The following CBLB variants were observed in gnomAD, a reference collection of about 807,000 sequenced individuals.
CBLB encodes the protein E3 ubiquitin-protein ligase CBL-B.
A neutral mutation model predicts 104.9 loss-of-function variants in CBLB; 31 were observed. The observed-to-expected ratio is 0.30, with a 90% confidence interval of 0.22 to 0.40. CBLB has a LOEUF of 0.40. Ranked by LOEUF, CBLB falls within the 10% of genes least tolerant of loss-of-function variation. CBLB has a pLI of 1.00. For missense variants in CBLB, 1,062 were observed against 1,214.6 expected (o/e 0.87, Z 1.87); for synonymous variants, 440 against 422.6 (o/e 1.04, Z -0.51).
At chr3:105,769,116 C>T (rs2078563780) in intron 4 of CBLB, among the ~76,000 whole-genome samples, 1 of 152,018 alleles carries the variant, frequency 6.6e-6, no homozygotes, top group African/African-American at 2.4e-5. Flanking sequence ...GAGTTTGAGA[C>T]CAGCCTGGCC....
In CBLB at chr3:105,670,362, A is replaced by C; in HGVS notation, c.2570-10T>G. 6.2e-7 allele frequency: 1 copy of C among 1,608,230 alleles called. No homozygotes were observed. Among genetic ancestry groups the C allele is most frequent in the Non-Finnish European group, 8.5e-7 (1 of 1,175,396 alleles). On this transcript the variant is annotated splice_polypyrimidine_tract_variant and intron_variant, in intron 17 of 18. Transcript: ENST00000394030. ...AGATCAACAAAGGGATCTTAAAAAT[A>C]AAAACAAGTTTCAAATTAAAAGGAT...
chr3:105,865,316 T>G (rs187526066), intron 2 of CBLB, among the ~76,000 whole-genome samples: 174 of 152,292 alleles, frequency 1.1e-3, no homozygotes, highest in African/African-American at 4.0e-3. Context: ...TCATAATAAT[T>G]TATGCAATTT....
intron 13 of CBLB, among the ~76,000 whole-genome samples, chr3:105,686,826 AC>A (rs1423269816): frequency 6.6e-6 from 1 of 152,134 alleles, no homozygotes; most frequent in Non-Finnish European, 1.5e-5. Flanking sequence ...TTACAGGGAG[AC>A]AAAAGCACAG....
At chr3:105,753,044 G>T (rs1289582388) in intron 4 of CBLB, among the ~76,000 whole-genome samples, 2 of 152,148 alleles carry the variant, frequency 1.3e-5, no homozygotes. Context: ...TAATGCTAAA[G>T]AATCTAGAGT....
chr3:105,858,750 T>C (rs551471053), intron 2 of CBLB, among the ~76,000 whole-genome samples: 1 of 152,276 alleles, frequency 6.6e-6, no homozygotes, highest in South Asian at 2.1e-4. Flanking sequence ...AATATTGAAA[T>C]ACAGAACTAG....
intron 6 of CBLB, among the ~76,000 whole-genome samples, chr3:105,744,837 G>A (rs994274152): frequency 1.3e-5 from 2 of 152,170 alleles, no homozygotes; most frequent in African/African-American, 4.8e-5. Flanking sequence ...GGTTAAGGCA[G>A]GAGAATTGCT....
At chr3:105,743,603 C>A (rs2075825034) in intron 6 of CBLB, among the ~76,000 whole-genome samples, 1 of 151,834 alleles carries the variant, frequency 6.6e-6, no homozygotes. Context: ...ACTACCTTCA[C>A]CCCATAACTC....
intron 5 of CBLB, among the ~76,000 whole-genome samples, chr3:105,746,240 A>C (rs752113606): frequency 6.6e-6 from 1 of 152,232 alleles, no homozygotes; most frequent in South Asian, 2.1e-4. Flanking sequence ...GATTAGGCAG[A>C]AAACAGATTT....
At chr3:105,859,046 A>C (rs1427798461) in intron 2 of CBLB, among the ~76,000 whole-genome samples, 1 of 152,190 alleles carries the variant, frequency 6.6e-6, no homozygotes, top group African/African-American at 2.4e-5. Context: ...AGAATTTTCA[A>C]AGTCATTACT....
intron 10 of CBLB, 114 bp downstream of exon 10, chr3:105,719,933 G>A: frequency 1.3e-6 from 1 of 783,306 alleles, no homozygotes; most frequent in South Asian, 1.5e-5. Flanking sequence ...GCTAGTATGT[G>A]TGTGTGCCTC....
intron 4 of CBLB, among the ~76,000 whole-genome samples, chr3:105,764,569 T>A (rs1166614501): frequency 2.6e-5 from 4 of 152,178 alleles, no homozygotes; most frequent in Non-Finnish European, 5.9e-5. Flanking sequence ...CCTGGGGACT[T>A]TCTATTCCCT....
intron 3 of CBLB, among the ~76,000 whole-genome samples, chr3:105,844,331 C>T (rs933627539): frequency 6.6e-6 from 1 of 152,036 alleles, no homozygotes; most frequent in African/African-American, 2.4e-5. Flanking sequence ...TACCGCAGCC[C>T]GAAGAAACAA....
chr3:105,722,934 G>A (rs901465182), intron 9 of CBLB, among the ~76,000 whole-genome samples: 3 of 152,154 alleles, frequency 2.0e-5, no homozygotes, highest in Non-Finnish European at 4.4e-5. Context: ...CCTGTTATAA[G>A]AGTAGATATC....
intron 4 of CBLB, among the ~76,000 whole-genome samples, chr3:105,766,622 T>C (rs563665260): frequency 4.6e-5 from 7 of 151,750 alleles, no homozygotes; most frequent in African/African-American, 1.4e-4. Flanking sequence ...ATTGTTAGCA[T>C]TTTTTAGCAA....
chr3:105,754,063 A>G (rs1387190820), intron 4 of CBLB, among the ~76,000 whole-genome samples: 1 of 152,068 alleles, frequency 6.6e-6, no homozygotes, highest in African/African-American at 2.4e-5. Context: ...CTTTTCATAT[A>G]TGAGTGTTTG....
intron 11 of CBLB, among the ~76,000 whole-genome samples, chr3:105,703,178 G>A (rs2069514014): frequency 6.6e-6 from 1 of 152,120 alleles, no homozygotes; most frequent in African/African-American, 2.4e-5. Context: ...TCTGATGATT[G>A]ATTTGTAATT....
intron 18 of CBLB, among the ~76,000 whole-genome samples, chr3:105,667,284 G>A (rs938618950): frequency 2.6e-5 from 3 of 116,760 alleles, no homozygotes; most frequent in Non-Finnish European, 5.2e-5. Flanking sequence ...AGTGAATGGT[G>A]CACTTCATTA....
At chr3:105,849,243 T>C (rs1404637957) in intron 3 of CBLB, among the ~76,000 whole-genome samples, 1 of 152,164 alleles carries the variant, frequency 6.6e-6, no homozygotes, top group Non-Finnish European at 1.5e-5. Context: ...AATGGTACAT[T>C]ATTATGAATT....
intron 17 of CBLB, chr3:105,674,058 TAA>T (rs2065351833): frequency 6.6e-6 from 1 of 152,206 alleles, no homozygotes; most frequent in South Asian, 2.1e-4. Context: ...TCTGATTTAT[TAA>T]GTCTTGAATT....
Sources: gnomAD v4.1 joint callset for allele counts (sites outside exome capture counted in the v4.1 genomes callset) on GRCh38, gnomAD v4.1.1 for gene constraint, MANE v1.5 for transcripts, NCBI Gene and HGNC (gene_info 2026-07-23, HGNC 2026-07-21) for gene names.